Variants in OVCH1 observed in about 807,000 individuals in gnomAD.
The protein encoded by OVCH1 is ovochymase 1, also known as ovochymase-1.
Under a neutral mutation model 138.4 loss-of-function variants are expected in OVCH1, and 139 were observed. The observed-to-expected ratio is 1.00, with a 90% CI of 0.87 to 1.16. The LOEUF is 1.16. OVCH1 is among the 50% of genes most tolerant of loss of function. The probability of loss-of-function intolerance (pLI) is 0.00; values close to 1 mark genes in which losing one functional copy is unlikely to be tolerated. For synonymous variants in OVCH1, 453 were observed against 467.8 expected (o/e 0.97, Z 0.41); for missense variants, 1,367 against 1,357.9 (o/e 1.01, Z -0.11).
At chr12:29,434,337 T>C (rs187688879) in intron 26 of OVCH1, among the ~76,000 whole-genome samples, 56 of 152,264 alleles carry the variant, frequency 3.7e-4, no homozygotes, top group African/African-American at 1.3e-3. Flanking sequence ...TTAAAAAAAA[T>C]CTGCTCAATC....
chr12:29,493,072 GAACA>G (rs1943315279), intron 4 of OVCH1, among the ~76,000 whole-genome samples: 1 of 152,098 alleles, frequency 6.6e-6, no homozygotes, highest in Non-Finnish European at 1.5e-5. Flanking sequence ...CTTAAATGTG[GAACA>G]GACATCTTAA....
downstream of OVCH1, among the ~76,000 whole-genome samples, chr12:29,409,265 G>A (rs1003147247): frequency 6.6e-6 from 1 of 152,152 alleles, no homozygotes; most frequent in South Asian, 2.1e-4. Context: ...CCAGCTCCTG[G>A]ATTCATTAAT....
downstream of OVCH1, among the ~76,000 whole-genome samples, chr12:29,410,726 C>A (rs991509406): frequency 7.9e-5 from 12 of 151,902 alleles, 1 homozygote; most frequent in African/African-American, 2.9e-4. Context: ...CGACCTTTCT[C>A]TCTGGCTGCC....
At chr12:29,409,758 G>C (rs1278614750), downstream of OVCH1, among the ~76,000 whole-genome samples, 2 of 152,162 alleles carry the variant, frequency 1.3e-5, no homozygotes, top group Non-Finnish European at 2.9e-5. Flanking sequence ...TAGGTGTGGT[G>C]TGGTGCTGAA....
intron 8 of OVCH1, among the ~76,000 whole-genome samples, chr12:29,481,418 TCTCTGG>T (rs1376943136): frequency 8.5e-5 from 13 of 152,302 alleles, no homozygotes; most frequent in African/African-American, 2.6e-4. Context: ...GTCTTATTAA[TCTCTGG>T]TTGACTCCTT....
At chr12:29,468,361 GACTA>G (rs1942388401) in intron 16 of OVCH1, among the ~76,000 whole-genome samples, 1 of 152,066 alleles carries the variant, frequency 6.6e-6, no homozygotes, top group African/African-American at 2.4e-5. Context: ...TTCTTTTTGT[GACTA>G]ACAAGTGGCT....
the OVCH1 span, among the ~76,000 whole-genome samples, chr12:29,404,044 CA>C: frequency 6.6e-6 from 1 of 152,218 alleles, no homozygotes; most frequent in African/African-American, 2.4e-5. Context: ...CCAACCTCTG[CA>C]ATGATAATGA....
exon 18 of OVCH1, chr12:29,464,569 C>T: frequency 6.2e-7 from 1 of 1,613,620 alleles, no homozygotes. Context: ...AGGCTCTGCG[C>T]TGTGTGGGAG....
At chr12:29,490,374 C>A (rs796606155) in intron 5 of OVCH1, among the ~76,000 whole-genome samples, 2 of 152,034 alleles carry the variant, frequency 1.3e-5, no homozygotes, top group Non-Finnish European at 2.9e-5. Flanking sequence ...GCCACTGCGC[C>A]CTGCCTAAAA....
intron 9 of OVCH1, 42 bp downstream of exon 10, chr12:29,478,790 CAGA>C: frequency 7.3e-7 from 1 of 1,371,888 alleles, no homozygotes; most frequent in Non-Finnish European, 9.8e-7. Flanking sequence ...TTTGGTCTTT[CAGA>C]TACTCTAAAA....
chr12:29,439,434 G>A lies in OVCH1; in HGVS notation c.3158C>T (p.Ala1053Val), dbSNP rs750213409. ...CATTGCCAGAGTTCCAGCGAATGAA[G>A]CTAAGATGGTCTGAGAAAAACAAAC... is the stretch of plus-strand genomic sequence containing the variant. The change falls in exon 26 of 28, where the codon GCT becomes GTT. Residue 1053 changes from alanine to valine, a missense_variant and splice_region_variant. Ala to Val is a moderately conservative substitution (Grantham distance 64). Coordinates refer to ENST00000318184, the Ensembl canonical transcript of OVCH1. The A allele has an allele frequency of 3.3e-6, 5 of 1,505,156 alleles. No homozygotes were observed. The Admixed American group carries it at 7.8e-5, about 23-fold the overall frequency. 93.2% of individuals were successfully genotyped at this position (1,505,156 alleles called of 1,614,324 possible). A position where few individuals can be genotyped will look rare whatever the true frequency, so the allele number is the denominator to read the frequency against.
At chr12:29,453,188 C>G (rs1210309998) in intron 21 of OVCH1, among the ~76,000 whole-genome samples, 1 of 152,110 alleles carries the variant, frequency 6.6e-6, no homozygotes, top group Admixed American at 6.6e-5. Context: ...ATCTTGGACC[C>G]AAGTCTGCTC....
At chr12:29,457,543 A>G (rs2135959845) in intron 19 of OVCH1, among the ~76,000 whole-genome samples, 1 of 151,618 alleles carries the variant, frequency 6.6e-6, no homozygotes, top group East Asian at 2.0e-4. Context: ...AGCTGGGACT[A>G]CAGACGCGCA....
At chr12:29,485,867 C>G (rs1202949947) in intron 8 of OVCH1, among the ~76,000 whole-genome samples, 1 of 151,558 alleles carries the variant, frequency 6.6e-6, no homozygotes, top group African/African-American at 2.4e-5. Flanking sequence ...CGCTTGAACC[C>G]AGGAGGCAGA....
chr12:29,484,658 GC>G (rs1286083672), intron 8 of OVCH1, among the ~76,000 whole-genome samples, 54 bp downstream of exon 9: 11 of 152,068 alleles, frequency 7.2e-5, no homozygotes, highest in Admixed American at 7.2e-4. Context: ...GTTTTAAACT[GC>G]CCCATTTTGT....
In OVCH1 at chr12:29,477,084, G is replaced by A. The variant is rs764916424; in HGVS notation, c.1377+18C>T. 6.8e-5 allele frequency: 108 copies of A among 1,580,200 alleles called. No homozygotes were observed. Among genetic ancestry groups the A allele is most frequent in the Non-Finnish European group, 8.6e-5 (100 of 1,162,392 alleles). The stretch of plus-strand genomic sequence containing the variant: ...AACTCTATTCTTTATGAGGTAGAGC[G>A]ATTCCTCAGTTGCCTACCTTTATAA... On this transcript the variant is annotated intron_variant, in intron 12 of 27. Transcript: ENST00000318184.
At chr12:29,493,169 A>C (rs1214369884) in intron 4 of OVCH1, among the ~76,000 whole-genome samples, 1 of 152,166 alleles carries the variant, frequency 6.6e-6, no homozygotes, top group Non-Finnish European at 1.5e-5. Flanking sequence ...TTTTCTGTAA[A>C]GGAAAGAAAA....
At chr12:29,413,024 C>CTTTTTTTTT (rs35540929) in intron 3 of OVCH1, among the ~76,000 whole-genome samples, 2 of 140,926 alleles carry the variant, frequency 1.4e-5, no homozygotes, top group Non-Finnish European at 1.6e-5. Flanking sequence ...CCAGCTAATT[C>CTTTTTTTTT]TTTTTTTTTT....
At chr12:29,413,597 T>A (rs952280551) in intron 3 of OVCH1, among the ~76,000 whole-genome samples, 133 of 152,322 alleles carry the variant, frequency 8.7e-4, no homozygotes, top group African/African-American at 3.1e-3. Flanking sequence ...TTCACATTTT[T>A]ATCTTATCAC....
Sources: allele counts gnomAD v4.1 joint callset (sites outside exome capture counted in the v4.1 genomes callset), GRCh38; gene constraint gnomAD v4.1.1; transcripts MANE v1.5; gene names NCBI Gene and HGNC (gene_info 2026-07-23, HGNC 2026-07-21).